PAMR1: variants seen among roughly 807,000 people sequenced by gnomAD.
PAMR1 encodes peptidase domain containing associated with muscle regeneration 1.
In PAMR1, 88 loss-of-function variants were observed where a neutral mutation model predicts 81.8. The ratio of observed to expected loss-of-function variants is 1.08; its 90% CI spans 0.91 to 1.28. The LOEUF (loss-of-function observed/expected upper bound fraction) is 1.28. PAMR1 is among the 50% of genes most tolerant of loss of function. The probability of loss-of-function intolerance (pLI) is 0.00; values close to 1 mark genes in which losing one functional copy is unlikely to be tolerated. For missense variants in PAMR1, 935 were observed against 919.7 expected (o/e 1.02, Z -0.21); for synonymous variants, 336 against 345.3 (o/e 0.97, Z 0.30).
chr11:35,432,582 T>C lies in PAMR1; in HGVS notation c.1937A>G (p.Asn646Ser). Reference sequence around the variant, plus strand: ...GGGTTCCCAGCTGGCACAGAACATGTTATCAGTGACACTCACTGGGATGCC... The same window carrying C: ...GGGTTCCCAGCTGGCACAGAACATGCTATCAGTGACACTCACTGGGATGCC... ...DHGIPVSVTD[N>S]MFCASWEPTA... is the part of the protein sequence containing the mutation. The change falls in exon 11 of 11, where the codon AAC (asparagine) becomes AGC (serine). Residue 646 changes from asparagine to serine, a missense_variant. Asn to Ser is a conservative substitution (Grantham distance 46). Coordinates refer to ENST00000619888, the MANE Select transcript of PAMR1 (RefSeq NM_001001991.3). The C allele has an allele frequency of 6.2e-7, 1 of 1,614,138 alleles. No individual in the cohort carries two copies. Among genetic ancestry groups the C allele is most frequent in the Non-Finnish European group, 8.5e-7 (1 of 1,180,012 alleles).
chr11:35,437,069 A>C (rs1359809820), intron 8 of PAMR1, among the ~76,000 whole-genome samples: 1 of 152,194 alleles, frequency 6.6e-6, no homozygotes, highest in Non-Finnish European at 1.5e-5. Context: ...GATCGGGAGA[A>C]ATATGAAGCA....
At chr11:35,525,727 T>G (rs1305163651), upstream of PAMR1, 2 of 686,820 alleles carry the variant, frequency 2.9e-6, no homozygotes, top group East Asian at 2.7e-5. Context: ...GGCTCTCCCA[T>G]CCTCATCTGA....
intron 6 of PAMR1, among the ~76,000 whole-genome samples, chr11:35,461,005 C>T: frequency 6.6e-6 from 1 of 151,988 alleles, no homozygotes; most frequent in Non-Finnish European, 1.5e-5. Context: ...GATCGCCATT[C>T]TAACTGGTGT....
At chr11:35,454,309 TAGG>T (rs1236062951) in intron 6 of PAMR1, among the ~76,000 whole-genome samples, 2 of 152,164 alleles carry the variant, frequency 1.3e-5, no homozygotes, top group South Asian at 4.1e-4. Flanking sequence ...GAAAAATATC[TAGG>T]AGATTTTTGT....
At chr11:35,522,108 G>T (rs1311631049) in intron 1 of PAMR1, among the ~76,000 whole-genome samples, 2 of 152,244 alleles carry the variant, frequency 1.3e-5, no homozygotes, top group East Asian at 3.9e-4. Context: ...ATTTTTAGTA[G>T]AGACAGGGTT....
At chr11:35,523,666 T>A (rs1472520515) in intron 1 of PAMR1, among the ~76,000 whole-genome samples, 1 of 152,222 alleles carries the variant, frequency 6.6e-6, no homozygotes, top group Non-Finnish European at 1.5e-5. Context: ...AGATTCAGCA[T>A]CCCAGCAGGG....
intron 5 of PAMR1, among the ~76,000 whole-genome samples, chr11:35,469,126 T>C (rs1418714304): frequency 6.6e-6 from 1 of 152,074 alleles, no homozygotes. Flanking sequence ...AGAGAAAAGA[T>C]TTAGGAGAGG....
chr11:35,468,715 CAATATACATTGTGAGTTTCCT>C (rs1244442331), intron 5 of PAMR1, among the ~76,000 whole-genome samples: 1 of 152,170 alleles, frequency 6.6e-6, no homozygotes, highest in Non-Finnish European at 1.5e-5. Flanking sequence ...TTCAATGCCC[CAATATACATTGTGAGTTTCCT>C]AATATACATT....
intron 6 of PAMR1, among the ~76,000 whole-genome samples, chr11:35,450,858 A>T (rs998413341): frequency 6.6e-6 from 1 of 152,226 alleles, no homozygotes; most frequent in Admixed American, 6.5e-5. Context: ...TATTCTTCAC[A>T]GCCCCCAAGG....
chr11:35,441,765 T>C (rs1425434668), intron 6 of PAMR1, 72 bp from the exon 7 acceptor site: 5 of 1,021,818 alleles, frequency 4.9e-6, no homozygotes, highest in East Asian at 5.0e-5. Flanking sequence ...GAATCTTTCA[T>C]GTTTCATTGA....
intron 6 of PAMR1, among the ~76,000 whole-genome samples, chr11:35,461,493 T>G (rs1409049814): frequency 2.6e-5 from 4 of 152,156 alleles, no homozygotes; most frequent in Admixed American, 2.0e-4. Flanking sequence ...TAGCAATGTT[T>G]TGGTCAAGGC....
intron 6 of PAMR1, among the ~76,000 whole-genome samples, chr11:35,442,093 C>T (rs1487570517): frequency 6.6e-6 from 1 of 152,138 alleles, no homozygotes; most frequent in African/African-American, 2.4e-5. Context: ...AAAGCTTGGG[C>T]AATTAAAAAC....
intron 1 of PAMR1, among the ~76,000 whole-genome samples, chr11:35,509,254 T>C (rs1407363463): frequency 6.6e-6 from 1 of 152,234 alleles, no homozygotes; most frequent in Non-Finnish European, 1.5e-5. Flanking sequence ...ATACATGAAA[T>C]ATATTTTGAG....
At chr11:35,523,874 A>G (rs1182641346) in intron 1 of PAMR1, among the ~76,000 whole-genome samples, 3 of 152,236 alleles carry the variant, frequency 2.0e-5, no homozygotes, top group African/African-American at 7.2e-5. Context: ...CCAAAGGTAA[A>G]AGAGGTTCTC....
At chr11:35,491,902 T>C (rs1850632558) in intron 3 of PAMR1, 143 bp downstream of exon 3, 1 of 687,034 alleles carries the variant, frequency 1.5e-6, no homozygotes, top group Admixed American at 3.0e-5. Context: ...AATCCATCTT[T>C]GTTTTTATAG....
chr11:35,497,610 C>T (rs1333087996), intron 1 of PAMR1, among the ~76,000 whole-genome samples: 2 of 152,194 alleles, frequency 1.3e-5, no homozygotes, highest in African/African-American at 2.4e-5. Context: ...ATTATCTGCA[C>T]TGGGCTTTAA....
chr11:35,498,008 A>T (rs1850759368), intron 1 of PAMR1, among the ~76,000 whole-genome samples: 1 of 152,186 alleles, frequency 6.6e-6, no homozygotes, highest in Admixed American at 6.5e-5. Flanking sequence ...CAGGACAAAA[A>T]CCAAGCTTAC....
chr11:35,444,869 C>A (rs1391845048), intron 6 of PAMR1, among the ~76,000 whole-genome samples: 1 of 152,244 alleles, frequency 6.6e-6, no homozygotes, highest in Non-Finnish European at 1.5e-5. Context: ...TTTTCTAATT[C>A]TGTGAAGAAT....
chr11:35,453,000 T>C (rs1346602209), intron 6 of PAMR1, among the ~76,000 whole-genome samples: 2 of 152,202 alleles, frequency 1.3e-5, no homozygotes, highest in East Asian at 1.9e-4. Context: ...GTTCAATAAA[T>C]ATTTGTTGGT....
Sources: allele counts gnomAD v4.1 joint callset (sites outside exome capture counted in the v4.1 genomes callset), GRCh38; gene constraint gnomAD v4.1.1; transcripts MANE v1.5; gene names NCBI Gene and HGNC (gene_info 2026-07-23, HGNC 2026-07-21).